Variants in SAMD15 observed in about 807,000 individuals in gnomAD.
The protein encoded by SAMD15 is sterile alpha motif domain containing 15.
A neutral mutation model predicts 50.5 loss-of-function variants in SAMD15; 37 were observed. That is an observed-to-expected ratio of 0.73 (90% confidence interval 0.56 to 0.96). SAMD15 has a LOEUF of 0.96. SAMD15 is among the 40% of genes least tolerant of loss of function. SAMD15 has a pLI of 0.00. For missense variants in SAMD15, 789 were observed against 783.8 expected, an observed-to-expected ratio of 1.01 and a Z score of -0.08; for synonymous variants, 255 against 282.8, an observed-to-expected ratio of 0.90 and a Z score of 0.99.
At position 77,391,488 on chromosome 14, in the gene SAMD15, T is replaced by C. The variant is rs1261912874; in HGVS notation, c.*244T>C. On this transcript the variant is annotated 3_prime_UTR_variant, in exon 3 of 3. Transcript: ENST00000216471. ...ATCCGCCATCATGCCCAGCTAATTT[T>C]TGTATTTTTAGTAGATATGATGTTT... 2 of 358,590 alleles carry C rather than the reference T, an allele frequency of 5.6e-6. No individual in the cohort carries two copies. Among genetic ancestry groups the C allele is most frequent in the Non-Finnish European group, 1.0e-5 (2 of 200,610 alleles). 22.2% of individuals were successfully genotyped at this position (358,590 alleles called of 1,614,324 possible).
At chr14:77,380,356 T>C in intron 1 of SAMD15, 27 bp from the exon 2 acceptor site, 1 of 1,439,486 alleles carries the variant, frequency 6.9e-7, no homozygotes, top group Non-Finnish European at 9.8e-7. Context: ...GTACATTTTT[T>C]AAGTGATGTC....
chr14:77,384,469 A>G (rs1263134950), intron 2 of SAMD15, among the ~76,000 whole-genome samples: 1 of 152,206 alleles, frequency 6.6e-6, no homozygotes, highest in East Asian at 1.9e-4. Flanking sequence ...ACTTATGGAT[A>G]TTTATTTTTG....
At position 77,377,533 on chromosome 14, in the gene SAMD15, A is replaced by T; in HGVS notation, c.115A>T (p.Thr39Ser). 4 of 1,614,158 alleles carry T rather than the reference A, an allele frequency of 2.5e-6. No individual in the cohort carries two copies. Among genetic ancestry groups the T allele is most frequent in the Non-Finnish European group, 3.4e-6 (4 of 1,180,024 alleles). Residue 39 changes from threonine (T) to serine (S), a missense_variant, in exon 1 of 3, where the codon ACC becomes TCC. Thr to Ser is a moderately conservative substitution (Grantham distance 58, BLOSUM62 1). Transcript: ENST00000216471. ...ATTGTATGAAAATGCCGAACCAGAC[A>T]CCATGGCAAAGGCAGACTCGAAGCT... ...HKLYENAEPD[T>S]MAKADSKLPA... is the part of the protein sequence containing the mutation.
At chr14:77,383,401 T>C (rs1893968506) in intron 2 of SAMD15, among the ~76,000 whole-genome samples, 1 of 152,164 alleles carries the variant, frequency 6.6e-6, no homozygotes, top group Non-Finnish European at 1.5e-5. Flanking sequence ...AAAAGTACAA[T>C]ATCAACATGC....
At position 77,378,080 on chromosome 14, in the gene SAMD15, T is replaced by A. The variant is rs768111620; in HGVS notation, c.662T>A (p.Leu221Gln). ...QTKQDFPSEK[L>Q]GESLEETDLQ... ...AAACAAGATTTTCCAAGTGAGAAAC[T>A]AGGAGAATCACTTGAAGAGACAGAT... The change falls in exon 1 of 3, where the codon CTA becomes CAA. Residue 221 changes from leucine to glutamine, a missense_variant. Physicochemically the swap from Leu to Gln is moderately radical, Grantham distance 113 (BLOSUM62 -2). Transcript: ENST00000216471. 6.2e-7 allele frequency: 1 copy of A among 1,613,244 alleles called. No individual in the cohort carries two copies.
rs1336035079 is a variant in SAMD15 at position 77,378,269 on chromosome 14, C to T, written c.851C>T (p.Thr284Ile). ...GCAGGTCTAGAGCCTCCAGAAGAGACTCAACCAGAGGTTCCAGAGGAGATG... is the reference window on the plus strand; with the variant it reads ...GCAGGTCTAGAGCCTCCAGAAGAGATTCAACCAGAGGTTCCAGAGGAGATG... ...EEAGLEPPEETQPEVPEEMQR... is the reference protein window; with the variant it reads ...EEAGLEPPEEIQPEVPEEMQR... The change falls in exon 1 of 3, where the codon ACT becomes ATT. Residue 284 changes from threonine to isoleucine, a missense_variant. This residue lies in a region of SAMD15 where 770 missense variants were observed against 745.4 expected (regional missense o/e 1.03). Transcript: ENST00000216471. 5.0e-6 allele frequency: 8 copies of T among 1,613,542 alleles called. No individual in the cohort carries two copies. Among genetic ancestry groups the T allele is most frequent in the Non-Finnish European group, 6.8e-6 (8 of 1,179,896 alleles).
intron 2 of SAMD15, among the ~76,000 whole-genome samples, chr14:77,387,045 T>G (rs760388847): frequency 1.3e-5 from 2 of 152,208 alleles, no homozygotes; most frequent in Non-Finnish European, 2.9e-5. Flanking sequence ...CACAAATACC[T>G]ATTTCCAATA....
chr14:77,384,908 C>T (rs1893986878), intron 2 of SAMD15, among the ~76,000 whole-genome samples: 3 of 152,066 alleles, frequency 2.0e-5, no homozygotes, highest in Admixed American at 6.6e-5. Flanking sequence ...GGGGGCCGGG[C>T]GTGGTGGCTC....
chr14:77,389,784 G>A (rs564847841), intron 2 of SAMD15, among the ~76,000 whole-genome samples: 46 of 151,998 alleles, frequency 3.0e-4, no homozygotes, highest in African/African-American at 1.1e-3. Flanking sequence ...CAGGCGTGGC[G>A]TGAGCCACGG....
chr14:77,378,404 T>C lies in SAMD15; in HGVS notation c.986T>C (p.Leu329Pro). 2 of 1,614,048 alleles carry C rather than the reference T, an allele frequency of 1.2e-6. No homozygotes were observed. Among genetic ancestry groups the C allele is most frequent in the Non-Finnish European group, 1.7e-6 (2 of 1,180,018 alleles). The change falls in exon 1 of 3, where the codon CTA (leucine) becomes CCA (proline). Residue 329 changes from leucine to proline, a missense_variant. By Grantham distance (98) the Leu-to-Pro change is moderately conservative (BLOSUM62 -3). Coordinates refer to ENST00000216471, the MANE Select transcript of SAMD15 (RefSeq NM_001010860.4). ...ACTGATGAGAACGTTCCTGAGCCAC[T>C]AGAAGAGATCAAATTAGAGTTTCCT... ...KSTDENVPEP[L>P]EEIKLEFPEE... is the part of the protein sequence containing the mutation.
chr14:77,383,665 T>C (rs1217247746), intron 2 of SAMD15, among the ~76,000 whole-genome samples: 1 of 152,090 alleles, frequency 6.6e-6, no homozygotes, highest in Non-Finnish European at 1.5e-5. Flanking sequence ...GCTTGACACT[T>C]AGACCCACAT....
chr14:77,380,999 G>A (rs1893937138), intron 2 of SAMD15, among the ~76,000 whole-genome samples: 1 of 152,092 alleles, frequency 6.6e-6, no homozygotes, highest in Non-Finnish European at 1.5e-5. Flanking sequence ...TCGCAAACCT[G>A]CCTGGTGCGT....
chr14:77,385,322 G>A (rs1194842750), intron 2 of SAMD15, among the ~76,000 whole-genome samples: 13 of 149,012 alleles, frequency 8.7e-5, no homozygotes, highest in Non-Finnish European at 1.5e-5. Context: ...GTCTCACTCT[G>A]TCACTCAGGC....
At chr14:77,384,797 A>G (rs1893985525) in intron 2 of SAMD15, among the ~76,000 whole-genome samples, 1 of 152,202 alleles carries the variant, frequency 6.6e-6, no homozygotes, top group Admixed American at 6.5e-5. Flanking sequence ...CTTAACAGAA[A>G]GATCTAGGAA....
rs1203188177 is a variant in SAMD15, at chr14:77,378,682, G to T, written c.1264G>T (p.Glu422Ter). The change falls in exon 1 of 3, where the codon GAA (glutamate) becomes TAA (stop). Residue 422 changes from glutamate to a stop codon, truncating the protein, a stop_gained. Coordinates refer to ENST00000216471, the MANE Select transcript of SAMD15 (RefSeq NM_001010860.4). LOFTEE classifies it high-confidence loss of function. ...PRETHVEFSK[E>*]DRPEPIKSKY... ...GGAGACACATGTAGAATTTTCCAAG[G>T]AAGACAGGCCAGAACCAATAAAGTC... The T allele has an allele frequency of 1.2e-6, 2 of 1,614,140 alleles. No homozygotes were observed. Among genetic ancestry groups the T allele is most frequent in the Admixed American group, 1.7e-5 (1 of 60,020 alleles).
At chr14:77,388,005 T>C (rs1894025709) in intron 2 of SAMD15, among the ~76,000 whole-genome samples, 1 of 152,176 alleles carries the variant, frequency 6.6e-6, no homozygotes, top group Non-Finnish European at 1.5e-5. Context: ...ATCACACCAC[T>C]GTACTCCAGC....
Position 77,391,671 on chromosome 14 carries a change from G to T in SAMD15, c.*427G>T, listed in dbSNP as rs1457125794. ...AACTGCTGGCTTCATTCCTAGTTGT[G>T]TCTCTGACTTATGGTACCCTCCCTT... is the stretch of plus-strand genomic sequence containing the variant. On this transcript the variant is annotated 3_prime_UTR_variant, in exon 3 of 3. Coordinates refer to ENST00000216471, the MANE Select transcript of SAMD15 (RefSeq NM_001010860.4). 6.6e-6 allele frequency among the ~76,000 whole-genome samples: 1 copy of T among 152,060 alleles called. No homozygotes were observed. Among genetic ancestry groups the T allele is most frequent in the African/African-American group, 2.4e-5 (1 of 41,404 alleles).
chr14:77,378,211 C>A lies in SAMD15; in HGVS notation c.793C>A (p.Leu265Met), dbSNP rs747476384. 3.1e-6 allele frequency: 5 copies of A among 1,614,034 alleles called. No homozygotes were observed. In the East Asian group the frequency reaches 8.9e-5, roughly 29 times the overall value. The change falls in exon 1 of 3, where the codon CTG becomes ATG. Residue 265 changes from leucine (L) to methionine (M), a missense_variant. Coordinates refer to ENST00000216471, the MANE Select transcript of SAMD15 (RefSeq NM_001010860.4). ...EPPEQARLEF[L>M]EKEPRKSSEE... The stretch of plus-strand genomic sequence containing the variant: ...ACCCGAGCAGGCTAGACTGGAATTT[C>A]TGGAGAAGGAACCAAGAAAGTCTAG...
Position 77,377,849 on chromosome 14 carries a change from A to G in SAMD15, c.431A>G (p.Asn144Ser). The change falls in exon 1 of 3, where the codon AAT becomes AGT. Residue 144 changes from asparagine to serine, a missense_variant. Asn to Ser is a conservative substitution (Grantham distance 46). Transcript: ENST00000216471. ...GAGCCACCAGAGGAGGCTAAACCAA[A>G]TGTTACAGAGGATGTGTTCCTAGAG... is the stretch of plus-strand genomic sequence containing the variant. ...DLEPPEEAKP[N>S]VTEDVFLESA... 6.2e-7 allele frequency: 1 copy of G among 1,614,078 alleles called. No individual in the cohort carries two copies. The highest frequency in any genetic ancestry group is 8.5e-7 in the Non-Finnish European group (1 of 1,180,000).
Sources: allele counts gnomAD v4.1 joint callset (sites outside exome capture counted in the v4.1 genomes callset), GRCh38; gene constraint gnomAD v4.1.1; regional missense constraint gnomAD v4.1.1; transcripts MANE v1.5; gene names NCBI Gene and HGNC (gene_info 2026-07-23, HGNC 2026-07-21).